MLLT3: variants seen among roughly 807,000 people sequenced by gnomAD.
MLLT3 encodes protein AF-9.
MLLT3 carries 4 observed loss-of-function variants against 53.2 expected under a neutral mutation model. The ratio of observed to expected loss-of-function variants is 0.08; its 90% CI spans 0.04 to 0.17. The LOEUF (loss-of-function observed/expected upper bound fraction) is 0.17, where lower values mean the gene tolerates loss of function less well. Ranked by LOEUF, MLLT3 falls within the 10% of genes least tolerant of loss-of-function variation. The pLI is 1.00. For synonymous variants in MLLT3, 283 were observed against 230.6 expected (o/e 1.23, Z -2.06); for missense variants, 569 against 684.0 (o/e 0.83, Z 1.87).
intron 2 of MLLT3, among the ~76,000 whole-genome samples, chr9:20,502,600 T>C (rs1587001562): frequency 1.3e-5 from 2 of 152,240 alleles, no homozygotes; most frequent in Non-Finnish European, 1.5e-5. Flanking sequence ...CAACTATTTA[T>C]ATAACATTTA....
intron 2 of MLLT3, among the ~76,000 whole-genome samples, chr9:20,501,518 G>C (rs544229695): frequency 6.6e-6 from 1 of 151,574 alleles, no homozygotes; most frequent in Admixed American, 6.6e-5. Flanking sequence ...TTGGGAGGTC[G>C]AGGCGGGTGG....
chr9:20,369,990 A>G (rs1352880713), intron 5 of MLLT3, among the ~76,000 whole-genome samples: 1 of 152,108 alleles, frequency 6.6e-6, no homozygotes, highest in African/African-American at 2.4e-5. Flanking sequence ...TTAATATAAC[A>G]CCTGTTTGTA....
chr9:20,508,718 G>A (rs944269295), intron 2 of MLLT3, among the ~76,000 whole-genome samples: 3 of 151,936 alleles, frequency 2.0e-5, no homozygotes, highest in Non-Finnish European at 4.4e-5. Context: ...AAACCCAAAC[G>A]GCTAAAAAGA....
chr9:20,414,372 GCTGCTA>G lies in MLLT3; in HGVS notation c.468_473del (p.Ser189_Ser190del), dbSNP rs781507995. ...TGCTGCTGCTGCTGCTGCTGCTGCT[GCTGCTA>G]CTGCTGCTGCTGCTGCTGCTGCTGG... On this transcript the variant is annotated inframe_deletion, in exon 5 of 11. Coordinates refer to ENST00000380338, the MANE Select transcript of MLLT3 (RefSeq NM_004529.4). 360 of 1,601,486 alleles carry G rather than the reference GCTGCTA, an allele frequency of 2.2e-4. No homozygotes were observed. The highest frequency in any genetic ancestry group is 3.5e-4 in the African/African-American group (26 of 74,470).
chr9:20,547,135 C>A (rs1458328426), intron 2 of MLLT3, among the ~76,000 whole-genome samples: 2 of 151,814 alleles, frequency 1.3e-5, no homozygotes, highest in South Asian at 4.2e-4. Flanking sequence ...TTTAATATAC[C>A]AAAAATAGTT....
intron 10 of MLLT3, among the ~76,000 whole-genome samples, chr9:20,352,559 G>A (rs1003784135): frequency 2.0e-5 from 3 of 152,026 alleles, no homozygotes; most frequent in African/African-American, 7.2e-5. Flanking sequence ...AGAATCATAG[G>A]TCTGTAGTCT....
At chr9:20,607,055 T>A (rs768063497) in intron 2 of MLLT3, among the ~76,000 whole-genome samples, 3 of 152,080 alleles carry the variant, frequency 2.0e-5, no homozygotes, top group Non-Finnish European at 2.9e-5. Flanking sequence ...ATAAGGGCCA[T>A]TTGTACACTA....
intron 2 of MLLT3, among the ~76,000 whole-genome samples, chr9:20,564,685 T>C (rs1009727258): frequency 6.6e-6 from 1 of 152,188 alleles, no homozygotes; most frequent in Non-Finnish European, 1.5e-5. Context: ...TCTTAAATCA[T>C]TTAATTCTGC....
chr9:20,424,020 T>C (rs929492183), intron 4 of MLLT3, among the ~76,000 whole-genome samples: 1 of 152,138 alleles, frequency 6.6e-6, no homozygotes, highest in South Asian at 2.1e-4. Context: ...AGCACTTACA[T>C]TGTGTTGAGT....
In MLLT3 at chr9:20,353,507, C is replaced by T. The variant is rs778204698; in HGVS notation, c.1575+18G>A. 1.2e-6 allele frequency: 2 copies of T among 1,611,004 alleles called. No homozygotes were observed. The highest frequency in any genetic ancestry group is 1.7e-5 in the Admixed American group (1 of 60,010). ...CTTGAAGTTTCTGGAAAGGGTTGTGCTAAAAAGCATTTCTCACCTGCTGCA... is the reference window on the plus strand; with the variant it reads ...CTTGAAGTTTCTGGAAAGGGTTGTGTTAAAAAGCATTTCTCACCTGCTGCA... On this transcript the variant is annotated intron_variant, in intron 10 of 10. Coordinates refer to ENST00000380338, the MANE Select transcript of MLLT3 (RefSeq NM_004529.4).
At chr9:20,466,201 T>C (rs554157944) in intron 2 of MLLT3, among the ~76,000 whole-genome samples, 4 of 152,288 alleles carry the variant, frequency 2.6e-5, no homozygotes, top group Admixed American at 2.0e-4. Context: ...TGCCTATACT[T>C]AAGGTTCAGA....
At chr9:20,615,382 A>C (rs1362268974) in intron 2 of MLLT3, among the ~76,000 whole-genome samples, 4 of 149,520 alleles carry the variant, frequency 2.7e-5, no homozygotes, top group South Asian at 2.1e-4. Flanking sequence ...AAAAAAAAAA[A>C]AAAAAAAAAA....
chr9:20,616,217 G>A (rs1047892496), intron 2 of MLLT3, among the ~76,000 whole-genome samples: 3 of 152,064 alleles, frequency 2.0e-5, no homozygotes, highest in Non-Finnish European at 4.4e-5. Context: ...TGAGAAAAGA[G>A]ACACAGAAGT....
At chr9:20,560,157 T>C (rs1819165086) in intron 2 of MLLT3, among the ~76,000 whole-genome samples, 2 of 152,184 alleles carry the variant, frequency 1.3e-5, no homozygotes, top group South Asian at 4.1e-4. Context: ...CTGAGGGTTC[T>C]GGAATTATAA....
intron 4 of MLLT3, among the ~76,000 whole-genome samples, chr9:20,415,041 T>C (rs1822837080): frequency 6.6e-6 from 1 of 152,074 alleles, no homozygotes; most frequent in Non-Finnish European, 1.5e-5. Context: ...GGCAGAAAAA[T>C]AGCCCAGCTT....
chr9:20,348,050 T>C (rs886628378), intron 10 of MLLT3, among the ~76,000 whole-genome samples: 6 of 152,176 alleles, frequency 3.9e-5, no homozygotes, highest in African/African-American at 1.2e-4. Context: ...AAGCATGACA[T>C]ATTAACTCTC....
chr9:20,463,698 T>C (rs991358635), intron 2 of MLLT3, among the ~76,000 whole-genome samples: 12 of 152,156 alleles, frequency 7.9e-5, no homozygotes, highest in African/African-American at 2.7e-4. Context: ...AAAAACTGTA[T>C]CTTCAGAGAA....
In MLLT3 at chr9:20,454,232, AGTGT is replaced by A. The variant is rs137999564; in HGVS notation, c.276+2468_276+2471del. On this transcript the variant is annotated intron_variant, in intron 3 of 10. Transcript: ENST00000380338. ...GTTCCATGAATTTCAAGAAGACTGA[AGTGT>A]GTGTGTGTGTGTGTGTGTGCACACG... Among the ~76,000 whole-genome samples, 536 of 149,408 alleles carry A rather than the reference AGTGT, an allele frequency of 3.6e-3. 2 individuals are homozygous for A. Among genetic ancestry groups the A allele is most frequent in the African/African-American group, 0.01 (413 of 40,876 alleles).
intron 2 of MLLT3, among the ~76,000 whole-genome samples, chr9:20,471,914 C>G (rs1824403901): frequency 6.6e-6 from 1 of 151,008 alleles, no homozygotes; most frequent in Admixed American, 6.6e-5. Context: ...ACAGCTGTTT[C>G]TTAGCTAAGA....
Sources: gnomAD v4.1 joint callset for allele counts (sites outside exome capture counted in the v4.1 genomes callset) on GRCh38, gnomAD v4.1.1 for gene constraint, MANE v1.5 for transcripts, NCBI Gene and HGNC (gene_info 2026-07-23, HGNC 2026-07-21) for gene names.